Variants in GYS2 observed in about 807,000 individuals in gnomAD.
GYS2 encodes glycogen [starch] synthase, liver.
In GYS2, 80 loss-of-function variants were observed where a neutral mutation model predicts 85.6. The observed-to-expected ratio is 0.93, with a 90% confidence interval of 0.78 to 1.13. The LOEUF (loss-of-function observed/expected upper bound fraction) is 1.13. GYS2 is among the 50% of genes most tolerant of loss of function. GYS2 has a pLI of 0.00. For synonymous variants in GYS2, 328 were observed against 300.7 expected, an observed-to-expected ratio of 1.09 and a Z score of -0.94; for missense variants, 881 against 854.9, an observed-to-expected ratio of 1.03 and a Z score of -0.38.
At position 21,559,727 on chromosome 12, in the gene GYS2, G is replaced by T; in HGVS notation, c.1170-17C>A. The T allele has an allele frequency of 6.6e-7, 1 of 1,512,196 alleles. No individual in the cohort carries two copies. Among genetic ancestry groups the T allele is most frequent in the Middle Eastern group, 1.7e-4 (1 of 5,836 alleles). The allele number at this position is 1,512,196 out of a possible 1,614,324, so 93.7% of individuals were successfully genotyped here. A position where few individuals can be genotyped will look rare whatever the true frequency, so the allele number is the denominator to read the frequency against. ...GCAACATCCCTGTTTGAAACAGAAA[G>T]ATTTATCATTTAAACAGTATGACAA... On this transcript the variant is annotated splice_polypyrimidine_tract_variant and intron_variant, in intron 8 of 15. Coordinates refer to ENST00000261195, the MANE Select transcript of GYS2 (RefSeq NM_021957.4).
intron 7 of GYS2, among the ~76,000 whole-genome samples, chr12:21,561,546 C>G (rs1036575649): frequency 2.0e-5 from 3 of 152,170 alleles, no homozygotes; most frequent in African/African-American, 7.2e-5. Context: ...CTTCTTTTAA[C>G]TTCTCCAAGT....
At chr12:21,551,013 AT>A (rs71053322) in intron 11 of GYS2, among the ~76,000 whole-genome samples, 26,003 of 151,376 alleles carry the variant, frequency 0.17, 2,384 homozygotes, top group Middle Eastern at 0.3. Context: ...TTTTTTTTTA[AT>A]TTTTTTTTAT....
chr12:21,557,191 C>G (rs1163629285), intron 11 of GYS2, among the ~76,000 whole-genome samples: 2 of 152,180 alleles, frequency 1.3e-5, no homozygotes, highest in African/African-American at 4.8e-5. Flanking sequence ...TGAAAAGATT[C>G]ATTGTGGCTA....
At position 21,595,352 on chromosome 12, in the gene GYS2, G is replaced by A. The variant is rs148874348; in HGVS notation, c.121+9120C>T. 5.9e-4 allele frequency among the ~76,000 whole-genome samples: 90 copies of A among 152,298 alleles called. 1 individual carries two copies. The East Asian group carries it at 0.015, about 25-fold the overall frequency. ...CAAATACTGTGAGTGCCCCAACTGC[G>A]GAAGTGGGAAAGGGAGATCCTCCTC... On this transcript the variant is annotated intron_variant, in intron 1 of 15. Coordinates refer to ENST00000261195, the MANE Select transcript of GYS2 (RefSeq NM_021957.4).
At chr12:21,553,290 T>G (rs1252223258) in intron 11 of GYS2, among the ~76,000 whole-genome samples, 1 of 152,230 alleles carries the variant, frequency 6.6e-6, no homozygotes, top group Non-Finnish European at 1.5e-5. Flanking sequence ...AAGACTGAAG[T>G]GCAGAGAGAT....
intron 11 of GYS2, 24 bp from the exon 12 acceptor site, chr12:21,546,494 A>G: frequency 6.9e-7 from 1 of 1,447,024 alleles, no homozygotes; most frequent in Non-Finnish European, 9.5e-7. Context: ...ATTCTAATTT[A>G]AAAAAAAAGA....
intron 2 of GYS2, among the ~76,000 whole-genome samples, chr12:21,577,708 C>T (rs1944462169): frequency 6.6e-6 from 1 of 152,146 alleles, no homozygotes; most frequent in East Asian, 1.9e-4. Flanking sequence ...CTAGACACCA[C>T]TACCCACACA....
At chr12:21,555,683 T>C (rs1170831188) in intron 11 of GYS2, among the ~76,000 whole-genome samples, 1 of 152,222 alleles carries the variant, frequency 6.6e-6, no homozygotes, top group Non-Finnish European at 1.5e-5. Flanking sequence ...ATTGCTTCTT[T>C]ATCCTTTCCT....
At chr12:21,562,049 A>G (rs1244505670) in intron 7 of GYS2, among the ~76,000 whole-genome samples, 1 of 152,210 alleles carries the variant, frequency 6.6e-6, no homozygotes, top group Non-Finnish European at 1.5e-5. Context: ...ATATAAACCA[A>G]TAGCTGCCAT....
chr12:21,594,879 T>C (rs892215632), intron 1 of GYS2, among the ~76,000 whole-genome samples: 4 of 152,174 alleles, frequency 2.6e-5, no homozygotes, highest in African/African-American at 9.7e-5. Flanking sequence ...AACAGCATGA[T>C]ACTGACATTA....
rs757163733 is a variant in GYS2 at position 21,574,221 on chromosome 12, T to A, written c.601A>T (p.Ile201Leu). ...AGTAGTGTAGCGTGGGTTGTAAATA[T>A]TGTGGCAATAGGAAGTTTCCTGGCT... ...SRARKLPIAT[I>L]FTTHATLLGR... Residue 201 changes from isoleucine (I) to leucine (L), a missense_variant, in exon 4 of 16, where the codon ATA becomes TTA. Transcript: ENST00000261195. 31 of 1,613,472 alleles carry A rather than the reference T, an allele frequency of 1.9e-5. No individual in the cohort carries two copies. The South Asian group carries it at 2.9e-4, about 15-fold the overall frequency.
At chr12:21,548,371 T>C (rs1268698511) in intron 11 of GYS2, among the ~76,000 whole-genome samples, 1 of 152,152 alleles carries the variant, frequency 6.6e-6, no homozygotes, top group Admixed American at 6.5e-5. Context: ...GTTGCCGAAT[T>C]CAGAGACAGG....
Position 21,604,442 on chromosome 12 carries a change from T to C in GYS2, c.121+30A>G, listed in dbSNP as rs773950498. 5 of 1,304,934 alleles carry C rather than the reference T, an allele frequency of 3.8e-6. No homozygotes were observed. The South Asian group carries it at 5.9e-5, about 15-fold the overall frequency. The allele number at this position is 1,304,934 out of a possible 1,614,324, so 80.8% of individuals were successfully genotyped here. A position where few individuals can be genotyped will look rare whatever the true frequency, so the allele number is the denominator to read the frequency against. On this transcript the variant is annotated intron_variant, in intron 1 of 15. Transcript: ENST00000261195. The stretch of plus-strand genomic sequence containing the variant: ...ATTCCTCAGTCACCTAGTGAAGGTG[T>C]ACTGATCCACCTTCAGGAGCAGTAC...
chr12:21,596,204 G>T (rs530789210), intron 1 of GYS2, among the ~76,000 whole-genome samples: 13 of 152,090 alleles, frequency 8.5e-5, no homozygotes, highest in Admixed American at 7.9e-4. Flanking sequence ...CCATCTTTTT[G>T]ACACTATTCT....
At chr12:21,549,189 C>T (rs549635064) in intron 11 of GYS2, among the ~76,000 whole-genome samples, 2 of 152,262 alleles carry the variant, frequency 1.3e-5, no homozygotes, top group East Asian at 1.9e-4. Flanking sequence ...ATGAATTATC[C>T]TATTTCTCCC....
At chr12:21,537,422 CT>C in intron 15 of GYS2, 1 of 509,156 alleles carries the variant, frequency 2.0e-6, no homozygotes, top group Non-Finnish European at 3.5e-6. Flanking sequence ...ATCATCTTAT[CT>C]TTTAACAACA....
intron 5 of GYS2, 47 bp downstream of exon 5, chr12:21,568,818 A>G (rs1192825844): frequency 8.4e-6 from 13 of 1,543,498 alleles, no homozygotes; most frequent in Non-Finnish European, 1.2e-5. Flanking sequence ...CTCATAGTGT[A>G]ACATCATTCG....
At chr12:21,566,914 A>G (rs1361631683) in intron 5 of GYS2, among the ~76,000 whole-genome samples, 2 of 152,216 alleles carry the variant, frequency 1.3e-5, no homozygotes, top group Admixed American at 6.5e-5. Flanking sequence ...ATATAGAGAA[A>G]GCAGGACCTA....
At chr12:21,591,959 T>C (rs1306947627) in intron 1 of GYS2, among the ~76,000 whole-genome samples, 4 of 152,084 alleles carry the variant, frequency 2.6e-5, no homozygotes, top group Non-Finnish European at 4.4e-5. Context: ...GAATTCACTA[T>C]CACTAGACTG....
Sources: gnomAD v4.1 joint callset for allele counts (sites outside exome capture counted in the v4.1 genomes callset) on GRCh38, gnomAD v4.1.1 for gene constraint, MANE v1.5 for transcripts, NCBI Gene and HGNC (gene_info 2026-07-23, HGNC 2026-07-21) for gene names.